Variants in DTNBP1 observed in about 807,000 individuals in gnomAD.
DTNBP1 encodes the protein dystrobrevin binding protein 1.
A neutral mutation model predicts 42.8 loss-of-function variants in DTNBP1; 35 were observed. That is an observed-to-expected ratio of 0.82 (90% confidence interval 0.63 to 1.09). The LOEUF is 1.09. DTNBP1 is among the 50% of genes least tolerant of loss of function. The pLI, the probability that DTNBP1 is intolerant of heterozygous loss-of-function variation, is 0.00. For synonymous variants in DTNBP1, 171 were observed against 162.2 expected (o/e 1.05, Z -0.41); for missense variants, 457 against 424.2 (o/e 1.08, Z -0.68).
intron 6 of DTNBP1, among the ~76,000 whole-genome samples, chr6:15,613,102 G>T (rs1758505273): frequency 6.6e-6 from 1 of 151,910 alleles, no homozygotes; most frequent in African/African-American, 2.4e-5. Flanking sequence ...GAGGTCAGGG[G>T]TTTGAGACCA....
intron 3 of DTNBP1, among the ~76,000 whole-genome samples, chr6:15,648,148 A>G (rs1271264260): frequency 2.0e-5 from 3 of 152,086 alleles, no homozygotes; most frequent in Non-Finnish European, 4.4e-5. Context: ...TGGTAGAACG[A>G]AAGGAAAAAA....
intron 6 of DTNBP1, among the ~76,000 whole-genome samples, chr6:15,607,320 G>C (rs1022091420): frequency 2.6e-5 from 4 of 151,186 alleles, no homozygotes; most frequent in African/African-American, 9.7e-5. Context: ...TTGTTTTTTT[G>C]AGACAGAGTC....
At chr6:15,543,453 T>C (rs1773694953) in intron 7 of DTNBP1, among the ~76,000 whole-genome samples, 1 of 152,206 alleles carries the variant, frequency 6.6e-6, no homozygotes, top group African/African-American at 2.4e-5. Context: ...TGCATAGCCT[T>C]GTGTAAGCAC....
chr6:15,553,446 ATGGTAAG>A (rs1774326937), intron 7 of DTNBP1, among the ~76,000 whole-genome samples: 2 of 151,764 alleles, frequency 1.3e-5, no homozygotes, highest in Admixed American at 6.6e-5. Context: ...TTCCAGAGAG[ATGGTAAG>A]TGGTAAGTGA....
intron 7 of DTNBP1, among the ~76,000 whole-genome samples, chr6:15,576,212 G>A (rs955761966): frequency 2.0e-5 from 3 of 151,590 alleles, no homozygotes; most frequent in Non-Finnish European, 4.4e-5. Context: ...TCCACCTCCC[G>A]AGTTAAAGCG....
intron 3 of DTNBP1, among the ~76,000 whole-genome samples, chr6:15,645,451 A>G (rs1760620853): frequency 6.6e-6 from 1 of 152,064 alleles, no homozygotes. Flanking sequence ...AACTAGTATT[A>G]TCCTGATTCC....
chr6:15,539,327 T>G (rs1415973842), intron 7 of DTNBP1, among the ~76,000 whole-genome samples: 1 of 152,250 alleles, frequency 6.6e-6, no homozygotes, highest in African/African-American at 2.4e-5. Context: ...TGTGTTTACG[T>G]GAAGACGGTC....
intron 7 of DTNBP1, among the ~76,000 whole-genome samples, chr6:15,538,176 G>C (rs1333062557): frequency 1.3e-5 from 2 of 152,164 alleles, no homozygotes; most frequent in African/African-American, 4.8e-5. Flanking sequence ...ATCTGGGTGA[G>C]CCTGGCCTAG....
intron 7 of DTNBP1, among the ~76,000 whole-genome samples, chr6:15,586,726 T>C (rs1158215984): frequency 6.6e-6 from 1 of 152,148 alleles, no homozygotes; most frequent in Non-Finnish European, 1.5e-5. Flanking sequence ...TCCTCTGCCA[T>C]CTGGTTTCTA....
At chr6:15,542,008 A>C (rs913898118) in intron 7 of DTNBP1, among the ~76,000 whole-genome samples, 1 of 152,218 alleles carries the variant, frequency 6.6e-6, no homozygotes, top group Non-Finnish European at 1.5e-5. Context: ...CACTTACTAC[A>C]TATGAATTGA....
chr6:15,637,806 TA>T lies in DTNBP1; in HGVS notation c.162-3del, dbSNP rs762195504. On this transcript the variant is annotated splice_polypyrimidine_tract_variant and splice_region_variant and intron_variant, in intron 3 of 9. Coordinates refer to ENST00000344537, the MANE Select transcript of DTNBP1 (RefSeq NM_032122.5). ...AGTGCAGCCCATGTATCCTCATACC[TA>T]AAAAAAAGCAAAAAATAATTTGAAA... The T allele has an allele frequency of 3.7e-6, 6 of 1,611,382 alleles. No individual in the cohort carries two copies. The highest frequency in any genetic ancestry group is 2.7e-5 in the African/African-American group (2 of 74,732).
At chr6:15,612,012 A>G (rs1758434473) in intron 6 of DTNBP1, among the ~76,000 whole-genome samples, 1 of 152,258 alleles carries the variant, frequency 6.6e-6, no homozygotes, top group African/African-American at 2.4e-5. Context: ...AAGTAATTCT[A>G]CTATGGGTGA....
At chr6:15,652,758 A>G (rs1761081641) in intron 1 of DTNBP1, among the ~76,000 whole-genome samples, 1 of 152,062 alleles carries the variant, frequency 6.6e-6, no homozygotes, top group Admixed American at 6.6e-5. Context: ...CTCCTGGGTA[A>G]CAAGGATGAC....
chr6:15,573,037 T>C (rs1046499213), intron 7 of DTNBP1, among the ~76,000 whole-genome samples: 2 of 152,224 alleles, frequency 1.3e-5, no homozygotes, highest in African/African-American at 2.4e-5. Context: ...TAGAATTCCA[T>C]GTTCTTAATC....
At chr6:15,530,608 G>C (rs947020094) in intron 8 of DTNBP1, among the ~76,000 whole-genome samples, 1 of 151,876 alleles carries the variant, frequency 6.6e-6, no homozygotes, top group Non-Finnish European at 1.5e-5. Flanking sequence ...CCAGGGGCTG[G>C]CCATCAACAG....
chr6:15,613,333 TGC>T (rs1561991535), intron 6 of DTNBP1, among the ~76,000 whole-genome samples: 3 of 101,902 alleles, frequency 2.9e-5, no homozygotes, highest in Admixed American at 1.4e-4. Context: ...AAAAAAAAAA[TGC>T]CCCTTTTTTG....
At chr6:15,624,791 A>G (rs896399179) in intron 5 of DTNBP1, among the ~76,000 whole-genome samples, 1 of 152,158 alleles carries the variant, frequency 6.6e-6, no homozygotes, top group Non-Finnish European at 1.5e-5. Context: ...TTTGGGTAAT[A>G]ATAGGAGAGA....
intron 3 of DTNBP1, among the ~76,000 whole-genome samples, chr6:15,638,133 A>AT (rs1050018621): frequency 1.0e-3 from 154 of 147,882 alleles, no homozygotes; most frequent in East Asian, 4.3e-3. Context: ...CCAATTAGTA[A>AT]TTTTTTTTTT....
chr6:15,535,678 G>T (rs927947617), intron 7 of DTNBP1, among the ~76,000 whole-genome samples: 1 of 152,180 alleles, frequency 6.6e-6, no homozygotes, highest in South Asian at 2.1e-4. Flanking sequence ...ACTGGAGAGA[G>T]TGGGGTATTG....
Sources: gnomAD v4.1 joint callset for allele counts (sites outside exome capture counted in the v4.1 genomes callset) on GRCh38, gnomAD v4.1.1 for gene constraint, MANE v1.5 for transcripts, NCBI Gene and HGNC (gene_info 2026-07-23, HGNC 2026-07-21) for gene names.